GPC5: variants seen among roughly 807,000 people sequenced by gnomAD.
GPC5 encodes the protein glypican 5.
In GPC5, 47 loss-of-function variants were observed where a neutral mutation model predicts 53.9. The observed-to-expected ratio is 0.87, with a 90% CI of 0.69 to 1.11. The LOEUF is 1.11. Among genes scored for constraint, GPC5 ranks in the 50% most tolerant of loss-of-function variants. The probability of loss-of-function intolerance (pLI) is 0.00; values close to 1 mark genes in which losing one functional copy is unlikely to be tolerated. For synonymous variants in GPC5, 286 were observed against 263.3 expected (o/e 1.09, Z -0.84); for missense variants, 748 against 713.1 (o/e 1.05, Z -0.56).
intron 3 of GPC5, among the ~76,000 whole-genome samples, chr13:91,719,858 T>C (rs1310912049): frequency 1.3e-5 from 2 of 152,132 alleles, no homozygotes; most frequent in East Asian, 1.9e-4. Context: ...TTTCTCTCTT[T>C]ACTAAATCTC....
At chr13:92,216,860 T>C (rs1450181070) in intron 7 of GPC5, among the ~76,000 whole-genome samples, 1 of 151,348 alleles carries the variant, frequency 6.6e-6, no homozygotes, top group Non-Finnish European at 1.5e-5. Context: ...ACACCTGTAA[T>C]CCCAGCTACT....
chr13:91,888,031 G>T (rs2039344566), intron 5 of GPC5, among the ~76,000 whole-genome samples: 1 of 152,074 alleles, frequency 6.6e-6, no homozygotes, highest in Admixed American at 6.5e-5. Context: ...CTGTCTTCGT[G>T]CATTTTTGTA....
intron 7 of GPC5, among the ~76,000 whole-genome samples, chr13:92,853,653 C>T (rs1878888019): frequency 6.6e-6 from 1 of 151,974 alleles, no homozygotes; most frequent in Admixed American, 6.6e-5. Flanking sequence ...TAATAAAGTT[C>T]AAGAAATCTC....
chr13:92,826,084 T>C (rs1379948203), intron 7 of GPC5, among the ~76,000 whole-genome samples: 7 of 152,140 alleles, frequency 4.6e-5, no homozygotes, highest in Non-Finnish European at 8.8e-5. Context: ...TTCCATGCCG[T>C]TGTGTAAATC....
At chr13:91,837,526 A>C (rs1445212620) in intron 5 of GPC5, among the ~76,000 whole-genome samples, 1 of 152,126 alleles carries the variant, frequency 6.6e-6, no homozygotes, top group Non-Finnish European at 1.5e-5. Flanking sequence ...ACAAAAAAGG[A>C]AGGAAAAAAC....
At chr13:92,745,919 C>G (rs925351529) in intron 7 of GPC5, among the ~76,000 whole-genome samples, 1 of 151,858 alleles carries the variant, frequency 6.6e-6, no homozygotes, top group Non-Finnish European at 1.5e-5. Flanking sequence ...ATTCTTTTTC[C>G]TTTTTATGGA....
chr13:91,815,867 TTTG>T (rs2138817636), intron 5 of GPC5, among the ~76,000 whole-genome samples: 1 of 152,320 alleles, frequency 6.6e-6, no homozygotes, highest in East Asian at 1.9e-4. Flanking sequence ...CACTTTCTTC[TTTG>T]TTTACTCCTT....
chr13:92,132,884 A>G (rs1037143153), intron 6 of GPC5, among the ~76,000 whole-genome samples: 2 of 152,174 alleles, frequency 1.3e-5, no homozygotes, highest in African/African-American at 4.8e-5. Context: ...GAGGCCTGCA[A>G]TATGGCTTGA....
chr13:91,564,606 C>T (rs183874077), intron 2 of GPC5, among the ~76,000 whole-genome samples: 348 of 152,280 alleles, frequency 2.3e-3, no homozygotes, highest in Non-Finnish European at 4.2e-3. Context: ...CTCAGAACAG[C>T]ATGTGGCAGA....
chr13:92,728,319 G>A (rs1178949450), intron 7 of GPC5, among the ~76,000 whole-genome samples: 1 of 151,280 alleles, frequency 6.6e-6, no homozygotes, highest in Non-Finnish European at 1.5e-5. Context: ...TTGCTTTGTT[G>A]CTAATCTCTT....
At chr13:92,779,681 C>G (rs1875949950) in intron 7 of GPC5, among the ~76,000 whole-genome samples, 1 of 151,898 alleles carries the variant, frequency 6.6e-6, no homozygotes, top group African/African-American at 2.4e-5. Context: ...TTTAACTCAC[C>G]AAGTATATGG....
chr13:91,904,163 A>C (rs2039529704), intron 5 of GPC5, among the ~76,000 whole-genome samples: 1 of 82,848 alleles, frequency 1.2e-5, no homozygotes. Flanking sequence ...TTTTTTTTTA[A>C]GGCAGGTCTT....
intron 5 of GPC5, among the ~76,000 whole-genome samples, chr13:91,767,570 C>G (rs2138685048): frequency 6.6e-6 from 1 of 152,268 alleles, no homozygotes; most frequent in East Asian, 1.9e-4. Flanking sequence ...TGCTACAATT[C>G]TAGTCATCTC....
At chr13:91,643,724 G>A (rs1488982501) in intron 2 of GPC5, among the ~76,000 whole-genome samples, 1 of 152,096 alleles carries the variant, frequency 6.6e-6, no homozygotes, top group Non-Finnish European at 1.5e-5. Flanking sequence ...GCTTGTAGAA[G>A]CATCACCTCA....
chr13:92,651,891 A>G (rs1331913391), intron 7 of GPC5, among the ~76,000 whole-genome samples: 2 of 152,164 alleles, frequency 1.3e-5, no homozygotes, highest in East Asian at 3.9e-4. Flanking sequence ...TTAAACTAAT[A>G]AGAATATAAT....
At chr13:92,503,556 AC>A (rs886322208) in intron 7 of GPC5, among the ~76,000 whole-genome samples, 3 of 151,476 alleles carry the variant, frequency 2.0e-5, no homozygotes, top group Non-Finnish European at 4.4e-5. Context: ...AAGTAGAAAT[AC>A]CCTCTTTAAA....
At position 92,721,855 on chromosome 13, in the gene GPC5, C is replaced by G. The variant is rs564125464; in HGVS notation, c.1562-144427C>G. Among the ~76,000 whole-genome samples the G allele has an allele frequency of 1.4e-4, 21 of 152,020 alleles. No homozygotes were observed. In the South Asian group the frequency reaches 4.4e-3, roughly 32 times the overall value. ...AGGTTTAATGAGGCAAGGAAAAAAC[C>G]TGTATGTCCTATTTAGGGGTCATTT... On this transcript the variant is annotated intron_variant, in intron 7 of 7. Coordinates refer to ENST00000377067, the MANE Select transcript of GPC5 (RefSeq NM_004466.6).
At chr13:92,433,553 GA>G (rs1487159007) in intron 7 of GPC5, among the ~76,000 whole-genome samples, 2 of 152,144 alleles carry the variant, frequency 1.3e-5, no homozygotes, top group African/African-American at 4.8e-5. Context: ...ACGTAGTATG[GA>G]GGAGCAGACA....
At chr13:92,670,179 T>G (rs1886700304) in intron 7 of GPC5, among the ~76,000 whole-genome samples, 1 of 152,050 alleles carries the variant, frequency 6.6e-6, no homozygotes, top group African/African-American at 2.4e-5. Flanking sequence ...GGAATGTAAA[T>G]GGCAGCATAC....
Sources: gnomAD v4.1 joint callset for allele counts (sites outside exome capture counted in the v4.1 genomes callset) on GRCh38, gnomAD v4.1.1 for gene constraint, MANE v1.5 for transcripts, NCBI Gene and HGNC (gene_info 2026-07-23, HGNC 2026-07-21) for gene names.